LRP1: variants seen among roughly 807,000 people sequenced by gnomAD.
The protein encoded by LRP1 is LDL receptor related protein 1.
LRP1 carries 51 observed loss-of-function variants against 541.5 expected under a neutral mutation model. The observed-to-expected ratio is 0.09, with a 90% CI of 0.08 to 0.12. The LOEUF is 0.12. LRP1 is among the 10% of genes least tolerant of loss of function. The probability of loss-of-function intolerance (pLI) is 1.00; values close to 1 mark genes in which losing one functional copy is unlikely to be tolerated. For missense variants in LRP1, 3,878 were observed against 6,376.2 expected, an observed-to-expected ratio of 0.61 and a Z score of 13.34; for synonymous variants, 2,219 against 2,470.8, an observed-to-expected ratio of 0.90 and a Z score of 3.02.
At position 57,175,670 on chromosome 12, in the gene LRP1, T is replaced by A; in HGVS notation, c.3758T>A (p.Val1253Asp). The A allele has an allele frequency of 6.3e-7, 1 of 1,586,988 alleles. No homozygotes were observed. The highest frequency in any genetic ancestry group is 8.6e-7 in the Non-Finnish European group (1 of 1,164,552). Residue 1253 changes from valine (V) to aspartate (D), a missense_variant, in exon 23 of 89, where the codon GTC becomes GAC. By Grantham distance (152) the Val-to-Asp change is radical. Around this residue, in one of 13 missense-constraint regions of LRP1, gnomAD observed 320 missense variants for 547.9 expected, o/e 0.58. Transcript: ENST00000243077. The stretch of plus-strand genomic sequence containing the variant: ...AAGTGCTCCTGCTACGAGGGCTGGG[T>A]CCTGGAACCTGACGGCGAGAGCTGC... ...SVKCSCYEGW[V>D]LEPDGESCRS...
At chr12:57,192,823 C>T (rs755328610) in intron 44 of LRP1, 22 bp from the exon 45 acceptor site, 30 of 1,613,928 alleles carry the variant, frequency 1.9e-5, no homozygotes, top group Middle Eastern at 1.7e-4. Flanking sequence ...TCCAGCCCTG[C>T]GCCCACCCTG....
chr12:57,142,234 C>T (rs913292503), intron 3 of LRP1, among the ~76,000 whole-genome samples: 1 of 152,234 alleles, frequency 6.6e-6, no homozygotes, highest in African/African-American at 2.4e-5. Context: ...CTCAAGCCTG[C>T]GTGTTAGGGA....
In LRP1 at chr12:57,154,564, A is replaced by G; in HGVS notation, c.1090A>G (p.Ser364Gly). ...DGQNRTKLVD[S>G]KIVFPHGITL... ...GCAGAACCGCACCAAGCTCGTCGACAGCAAGATTGTGTTTCCTCATGGCAT... is the reference window on the plus strand; with the variant it reads ...GCAGAACCGCACCAAGCTCGTCGACGGCAAGATTGTGTTTCCTCATGGCAT... Residue 364 changes from serine to glycine, a missense_variant, in exon 8 of 89, where the codon AGC becomes GGC. This residue lies in a region of LRP1 where 496 missense variants were observed against 861.0 expected (regional missense o/e 0.58). Transcript: ENST00000243077. The surrounding 1 kb of genome is among the most constrained non-coding windows in gnomAD (Gnocchi z 4.6). 1.2e-6 allele frequency: 2 copies of G among 1,614,204 alleles called. No individual in the cohort carries two copies. The highest frequency in any genetic ancestry group is 1.7e-6 in the Non-Finnish European group (2 of 1,180,022).
chr12:57,196,966 C>T lies in LRP1; in HGVS notation c.8893-16C>T. Reference sequence around the variant, plus strand: ...ACCCTGCCACATGCCCAGCCCAAGGCTCCCTGTGCCTGCAGTGCCGCTGTC... The same window carrying T: ...ACCCTGCCACATGCCCAGCCCAAGGTTCCCTGTGCCTGCAGTGCCGCTGTC... On this transcript the variant is annotated splice_polypyrimidine_tract_variant and intron_variant, in intron 55 of 88. Coordinates refer to ENST00000243077, the MANE Select transcript of LRP1 (RefSeq NM_002332.3). 1 of 1,601,116 alleles carries T rather than the reference C, an allele frequency of 6.2e-7. No homozygotes were observed. The highest frequency in any genetic ancestry group is 8.5e-7 in the Non-Finnish European group (1 of 1,176,766).
chr12:57,160,869 A>G lies in LRP1; in HGVS notation c.1980-24A>G, dbSNP rs1484952451. 5.6e-6 allele frequency: 9 copies of G among 1,598,858 alleles called. No homozygotes were observed. In the East Asian group the frequency reaches 2.0e-4, roughly 36 times the overall value. On this transcript the variant is annotated intron_variant, in intron 12 of 88. Transcript: ENST00000243077. Reference sequence around the variant, plus strand: ...TGTTGATGGCGGGGGTGCCCAGGTGATGCTGACCAGTCGCTGCCCACAGGT... The same window carrying G: ...TGTTGATGGCGGGGGTGCCCAGGTGGTGCTGACCAGTCGCTGCCCACAGGT...
At chr12:57,153,153 C>T (rs2035556140) in intron 6 of LRP1, among the ~76,000 whole-genome samples, 1 of 152,136 alleles carries the variant, frequency 6.6e-6, no homozygotes, top group East Asian at 1.9e-4. Context: ...AAAGTCACTG[C>T]CTTAGGAGTT....
intron 48 of LRP1, 115 bp downstream of exon 48, chr12:57,194,127 G>A (rs2036474212): frequency 7.5e-6 from 8 of 1,061,618 alleles, no homozygotes; most frequent in South Asian, 1.5e-5. Flanking sequence ...CCTCATCCCC[G>A]CTGACAGCCT....
chr12:57,145,505 C>G lies in LRP1; in HGVS notation c.841+15C>G, dbSNP rs891948403. 1.2e-6 allele frequency: 2 copies of G among 1,610,514 alleles called. No homozygotes were observed. Among genetic ancestry groups the G allele is most frequent in the South Asian group, 1.1e-5 (1 of 91,008 alleles). On this transcript the variant is annotated intron_variant, in intron 6 of 88. Coordinates refer to ENST00000243077, the MANE Select transcript of LRP1 (RefSeq NM_002332.3). ...CAGTCTGCACCGTGAGTCACCTGCT[C>G]TCAGCTTGGAGGGCTGGGGAGGGTA...
chr12:57,138,091 G>T (rs1168877265), intron 1 of LRP1, among the ~76,000 whole-genome samples: 1 of 152,120 alleles, frequency 6.6e-6, no homozygotes, highest in Non-Finnish European at 1.5e-5. Flanking sequence ...GAGAAAACAT[G>T]TCAAGGCCTA....
At chr12:57,192,321 C>G (rs191369937) in intron 44 of LRP1, among the ~76,000 whole-genome samples, 1 of 152,154 alleles carries the variant, frequency 6.6e-6, no homozygotes, top group Non-Finnish European at 1.5e-5. Flanking sequence ...CTGGCATCTC[C>G]TCCACGTTGC....
At chr12:57,132,996 T>G (rs1431507048) in intron 1 of LRP1, among the ~76,000 whole-genome samples, 1 of 152,120 alleles carries the variant, frequency 6.6e-6, no homozygotes, top group East Asian at 1.9e-4. Flanking sequence ...ATTTGGGGAA[T>G]GGGTTTTGGA....
Position 57,211,254 on chromosome 12 carries a change from C to T in LRP1, c.12995C>T (p.Ala4332Val). ...ADGSRQCRCT[A>V]YFEGSRCEVN... ...GGCTCCCGACAATGCCGCTGCACTG[C>T]CTACTTTGAGGGATCGAGGTGTGAG... Residue 4332 changes from alanine to valine, a missense_variant, in exon 84 of 89, where the codon GCC becomes GTC. This residue lies in a region of LRP1 where 871 missense variants were observed against 1,212.4 expected (regional missense o/e 0.72). Coordinates refer to ENST00000243077, the MANE Select transcript of LRP1 (RefSeq NM_002332.3). This position sits in a 1 kb window ranked among gnomAD's most constrained non-coding sequence, Gnocchi z 4.3. 1 of 1,614,216 alleles carries T rather than the reference C, an allele frequency of 6.2e-7. No individual in the cohort carries two copies. Among genetic ancestry groups the T allele is most frequent in the Non-Finnish European group, 8.5e-7 (1 of 1,180,040 alleles).
chr12:57,154,800 C>T lies in LRP1; in HGVS notation c.1227+99C>T, dbSNP rs1454305421. On this transcript the variant is annotated intron_variant, in intron 8 of 88. Coordinates refer to ENST00000243077, the MANE Select transcript of LRP1 (RefSeq NM_002332.3). The surrounding 1 kb of genome is among the most constrained non-coding windows in gnomAD (Gnocchi z 4.6). ...GTAGGGGAACCGTTCTCTGAGTCTCCTGGTAAAGAGCGTGGATGCCCCAGG... is the reference window on the plus strand; with the variant it reads ...GTAGGGGAACCGTTCTCTGAGTCTCTTGGTAAAGAGCGTGGATGCCCCAGG... 1 of 1,137,654 alleles carries T rather than the reference C, an allele frequency of 8.8e-7. No individual in the cohort carries two copies. The highest frequency in any genetic ancestry group is 1.3e-6 in the Non-Finnish European group (1 of 777,614). 70.5% of individuals were successfully genotyped at this position (1,137,654 alleles called of 1,614,324 possible). A position where few individuals can be genotyped will look rare whatever the true frequency, so the allele number is the denominator to read the frequency against.
Position 57,211,176 on chromosome 12 carries a change from G to A in LRP1, c.12917G>A (p.Arg4306Gln). ...CACTTCTCTCCCTCCCCAACCACAG[G>A]GCAGTGCTCTGGCTACTGTGAGAAC... ...PGFLGDRCQY[R>Q]QCSGYCENFG... The change falls in exon 84 of 89, where the codon CGG (arginine) becomes CAG (glutamine). Residue 4306 changes from arginine to glutamine, a missense_variant and splice_region_variant. Transcript: ENST00000243077. This position sits in a 1 kb window ranked among gnomAD's most constrained non-coding sequence, Gnocchi z 4.3. 2 of 1,614,020 alleles carry A rather than the reference G, an allele frequency of 1.2e-6. No homozygotes were observed. The highest frequency in any genetic ancestry group is 1.7e-6 in the Non-Finnish European group (2 of 1,179,934).
rs776543634 is a variant in LRP1, at chr12:57,184,126, G to A, written c.5971G>A (p.Val1991Ile). ...WTDQGFDVIE[V>I]ARLNGSFRYV... ...AGACCAGGGCTTTGATGTCATCGAG[G>A]TCGCCCGGCTCAATGGCTCCTTCCG... Residue 1991 changes from valine (V) to isoleucine (I), a missense_variant, in exon 37 of 89, where the codon GTC becomes ATC. Physicochemically the swap from Val to Ile is conservative, Grantham distance 29. Transcript: ENST00000243077. The surrounding 1 kb of genome is among the most constrained non-coding windows in gnomAD (Gnocchi z 7.8). The A allele has an allele frequency of 1.4e-5, 23 of 1,614,010 alleles. No homozygotes were observed. In the Admixed American group the frequency reaches 3.3e-4, roughly 23 times the overall value.
chr12:57,212,908 G>A lies in LRP1; in HGVS notation c.*353G>A, dbSNP rs183105622. The A allele has an allele frequency of 3.5e-4, 71 of 202,394 alleles. No individual in the cohort carries two copies. Among genetic ancestry groups the A allele is most frequent in the Non-Finnish European group, 5.9e-4 (59 of 99,558 alleles). The allele number at this position is 202,394 out of a possible 1,614,324, so 12.5% of individuals were successfully genotyped here. ...CACTTTGCCAAGGCTCTCCCCTCTC[G>A]CCCCATCCCTGCTTGCCCGCTCCCA... On this transcript the variant is annotated 3_prime_UTR_variant, in exon 89 of 89. Coordinates refer to ENST00000243077, the MANE Select transcript of LRP1 (RefSeq NM_002332.3). The surrounding 1 kb of genome is among the most constrained non-coding windows in gnomAD (Gnocchi z 5.0).
chr12:57,200,825 T>TGA lies in LRP1; in HGVS notation c.10225+11_10225+12insAG. 2 of 1,595,886 alleles carry TGA rather than the reference T, an allele frequency of 1.3e-6. No individual in the cohort carries two copies. The highest frequency in any genetic ancestry group is 1.7e-6 in the Non-Finnish European group (2 of 1,166,794). Reference sequence around the variant, plus strand: ...GACGAGGCCAACTGTGGTAAGGCGCTGCCCGCCCACCCTCCCTCCTTCCCC... The same window carrying TGA: ...GACGAGGCCAACTGTGGTAAGGCGCTGAGCCCGCCCACCCTCCCTCCTTCCCC... On this transcript the variant is annotated intron_variant, in intron 64 of 88. Transcript: ENST00000243077.
rs372454851 is a variant in LRP1 at position 57,180,737 on chromosome 12, C to G, written c.5457C>G (p.Gly1819=). Residue 1819 remains glycine, a synonymous_variant, in exon 33 of 89, where the codon GGC becomes GGG. Coordinates refer to ENST00000243077, the MANE Select transcript of LRP1 (RefSeq NM_002332.3). Reference sequence around the variant, plus strand: ...CATGCAGCAAGGCTGACGGCTCGGGCTCCGTGGTCCTTCGGAACAGCACCA... The same window carrying G: ...CATGCAGCAAGGCTGACGGCTCGGGGTCCGTGGTCCTTCGGAACAGCACCA... ...MGTCSKADGS[G]SVVLRNSTTL... 1 of 1,613,978 alleles carries G rather than the reference C, an allele frequency of 6.2e-7. No homozygotes were observed. The highest frequency in any genetic ancestry group is 1.1e-5 in the South Asian group (1 of 91,094).
Position 57,128,613 on chromosome 12 carries a change from CCT to C in LRP1, c.-350_-349del. The stretch of plus-strand genomic sequence containing the variant: ...TACCCGGTCCACGCCCCCCACCCCC[CCT>C]CCCCGCCTCCTCCCAATTGTGCATT... On this transcript the variant is annotated 5_prime_UTR_variant, in exon 1 of 89. Transcript: ENST00000243077. 1 of 415,268 alleles carries C rather than the reference CCT, an allele frequency of 2.4e-6. No homozygotes were observed. Among genetic ancestry groups the C allele is most frequent in the Non-Finnish European group, 4.3e-6 (1 of 234,310 alleles). 25.7% of individuals were successfully genotyped at this position (415,268 alleles called of 1,614,324 possible).
Sources: allele counts gnomAD v4.1 joint callset (sites outside exome capture counted in the v4.1 genomes callset), GRCh38; gene constraint gnomAD v4.1.1; regional missense constraint gnomAD v4.1.1; non-coding constraint Gnocchi (gnomAD v3.1); transcripts MANE v1.5; gene names NCBI Gene and HGNC (gene_info 2026-07-23, HGNC 2026-07-21).